Variants in SMARCA5 observed in about 807,000 individuals in gnomAD.
SMARCA5 encodes the protein SWI/SNF-related matrix-associated actin-dependent regulator of chromatin subfamily A member 5.
A neutral mutation model predicts 140.4 loss-of-function variants in SMARCA5; 18 were observed. The ratio of observed to expected loss-of-function variants is 0.13; its 90% CI spans 0.09 to 0.19. The LOEUF (loss-of-function observed/expected upper bound fraction) is 0.19, where lower values mean the gene tolerates loss of function less well. SMARCA5 is among the 10% of genes least tolerant of loss of function. The probability of loss-of-function intolerance (pLI) is 1.00; values close to 1 mark genes in which losing one functional copy is unlikely to be tolerated. For missense variants in SMARCA5, 606 were observed against 1,276.8 expected, an observed-to-expected ratio of 0.47 and a Z score of 8.01; for synonymous variants, 449 against 419.6, an observed-to-expected ratio of 1.07 and a Z score of -0.86.
rs13139128 is a variant in SMARCA5 at position 143,545,951 on chromosome 4, T to C, written c.2424T>C (p.Asn808=). ...TACCTCGAAATCCTGAGCTGCCTAA[T>C]GCAGCACAGGCACAAAAAGAAGAAC... The part of the protein sequence containing the change: ...YKVPRNPELP[N]AAQAQKEEQL... Residue 808 remains asparagine (N), a synonymous_variant, in exon 19 of 24, where the codon AAT becomes AAC. Transcript: ENST00000283131. The C allele has an allele frequency of 1, 1,608,370 of 1,609,866 alleles. 803,448 individuals carry two copies. The highest frequency in any genetic ancestry group is 1 in the East Asian group (44,808 of 44,808).
rs1257369765 is a variant in SMARCA5, at chr4:143,550,114, C to T, written c.3093+10C>T. 3.5e-6 allele frequency: 5 copies of T among 1,413,756 alleles called. No individual in the cohort carries two copies. Among genetic ancestry groups the T allele is most frequent in the Admixed American group, 2.1e-5 (1 of 48,200 alleles). The allele number at this position is 1,413,756 out of a possible 1,614,324, so 87.6% of individuals were successfully genotyped here. ...AGGACCAAAGCCTTCAGTAAGTATT[C>T]ATGAATATGTAAATATGTGGATTAT... On this transcript the variant is annotated intron_variant, in intron 23 of 23. Transcript: ENST00000283131.
chr4:143,538,510 T>G (rs1238980183), intron 11 of SMARCA5, 80 bp from the exon 12 acceptor site: 28 of 1,112,554 alleles, frequency 2.5e-5, no homozygotes, highest in Non-Finnish European at 3.7e-5. Flanking sequence ...TAAGGATAAT[T>G]GATTAGTCTT....
intron 3 of SMARCA5, among the ~76,000 whole-genome samples, chr4:143,523,271 C>T (rs1736999512): frequency 6.6e-6 from 1 of 152,170 alleles, no homozygotes; most frequent in Non-Finnish European, 1.5e-5. Flanking sequence ...AAGTGATCCA[C>T]CCACCTCTGC....
At chr4:143,545,442 G>T in intron 17 of SMARCA5, 28 bp from the exon 18 acceptor site, 1 of 1,426,296 alleles carries the variant, frequency 7.0e-7, no homozygotes. Flanking sequence ...CTTTTTTATG[G>T]ATAACACTTA....
intron 14 of SMARCA5, among the ~76,000 whole-genome samples, chr4:143,542,146 A>G (rs971799378): frequency 6.6e-6 from 1 of 152,210 alleles, no homozygotes; most frequent in Non-Finnish European, 1.5e-5. Context: ...GGTATGAGCC[A>G]CCACGCCTGT....
rs1386930743 is a variant in SMARCA5, at chr4:143,544,742, A to G, written c.2178A>G (p.Ala726=). The change falls in exon 17 of 24, where the codon GCA becomes GCG. Residue 726 remains alanine (A), a synonymous_variant. Transcript: ENST00000283131. ...GEDYREKQKI[A]FTEWIEPPKR... ...AGTTGTTTCCCATGTGCTAGATTGCATTCACAGAGTGGATTGAACCACCTA... is the reference window on the plus strand; with the variant it reads ...AGTTGTTTCCCATGTGCTAGATTGCGTTCACAGAGTGGATTGAACCACCTA... 3.1e-6 allele frequency: 5 copies of G among 1,593,520 alleles called. No individual in the cohort carries two copies. The South Asian group carries it at 4.5e-5, about 14-fold the overall frequency.
At position 143,534,843 on chromosome 4, in the gene SMARCA5, G is replaced by C; in HGVS notation, c.1159-12G>C. 1.3e-6 allele frequency: 2 copies of C among 1,592,688 alleles called. No homozygotes were observed. Among genetic ancestry groups the C allele is most frequent in the Non-Finnish European group, 1.7e-6 (2 of 1,166,388 alleles). On this transcript the variant is annotated splice_polypyrimidine_tract_variant and intron_variant, in intron 9 of 23. Coordinates refer to ENST00000283131, the MANE Select transcript of SMARCA5 (RefSeq NM_003601.4). ...ATATTGGTATTACCTGTTTATTTTTGTCCTTTTTAAGGTTTTGCGTCCATT... is the reference window on the plus strand; with the variant it reads ...ATATTGGTATTACCTGTTTATTTTTCTCCTTTTTAAGGTTTTGCGTCCATT...
intron 22 of SMARCA5, among the ~76,000 whole-genome samples, chr4:143,549,515 T>C (rs1560822685): frequency 6.6e-6 from 1 of 152,134 alleles, no homozygotes; most frequent in Admixed American, 6.6e-5. Flanking sequence ...CTTCCATGGC[T>C]GGTTTTCCAA....
At chr4:143,515,494 G>A (rs888345680) in intron 1 of SMARCA5, among the ~76,000 whole-genome samples, 11 of 152,124 alleles carry the variant, frequency 7.2e-5, no homozygotes, top group Admixed American at 6.5e-4. Context: ...GTGTAAATGT[G>A]CAGTTCTCTA....
At chr4:143,548,678 T>G (rs1737578603) in intron 22 of SMARCA5, among the ~76,000 whole-genome samples, 1 of 152,128 alleles carries the variant, frequency 6.6e-6, no homozygotes, top group South Asian at 2.1e-4. Flanking sequence ...AGTTTAACTT[T>G]GATGGATTGC....
intron 9 of SMARCA5, among the ~76,000 whole-genome samples, chr4:143,532,797 G>A (rs1381886336): frequency 1.3e-5 from 2 of 151,152 alleles, no homozygotes; most frequent in African/African-American, 4.9e-5. Flanking sequence ...TTTATGGGTT[G>A]ACTGGATGGT....
chr4:143,541,439 G>T (rs114206650), intron 14 of SMARCA5, among the ~76,000 whole-genome samples: 1 of 152,162 alleles, frequency 6.6e-6, no homozygotes, highest in Non-Finnish European at 1.5e-5. Flanking sequence ...GCTATTCATA[G>T]TGTTAGCCAT....
Position 143,534,956 on chromosome 4 carries a change from A to G in SMARCA5, c.1260A>G (p.Gln420=), listed in dbSNP as rs1237699521. The G allele has an allele frequency of 6.2e-7, 1 of 1,603,366 alleles. No homozygotes were observed. The highest frequency in any genetic ancestry group is 2.2e-5 in the East Asian group (1 of 44,730). ...VKIYVGLSKM[Q]REWYTRILMK... ...TCTATGTGGGCCTCAGCAAAATGCAAAGGGAATGGTATGTATTCTCAGATG... is the reference window on the plus strand; with the variant it reads ...TCTATGTGGGCCTCAGCAAAATGCAGAGGGAATGGTATGTATTCTCAGATG... Residue 420 remains glutamine, a synonymous_variant, in exon 10 of 24, where the codon CAA becomes CAG. Transcript: ENST00000283131.
intron 9 of SMARCA5, among the ~76,000 whole-genome samples, chr4:143,531,568 CT>C (rs1737183249): frequency 6.6e-6 from 1 of 152,152 alleles, no homozygotes; most frequent in Non-Finnish European, 1.5e-5. Context: ...ATCCCTGATA[CT>C]TTTACTCACT....
intron 2 of SMARCA5, among the ~76,000 whole-genome samples, chr4:143,519,440 T>A (rs1736910086): frequency 6.6e-6 from 1 of 152,140 alleles, no homozygotes; most frequent in Non-Finnish European, 1.5e-5. Flanking sequence ...CTTCCAAGTT[T>A]CTTAACATTT....
At chr4:143,550,169 C>T (rs1231065391) in intron 23 of SMARCA5, 65 bp downstream of exon 23, 4 of 844,624 alleles carry the variant, frequency 4.7e-6, no homozygotes, top group Non-Finnish European at 7.3e-6. Flanking sequence ...GTATTTAACA[C>T]TGCTTGGCTG....
At chr4:143,541,943 C>G (rs1234031158) in intron 14 of SMARCA5, among the ~76,000 whole-genome samples, 1 of 152,032 alleles carries the variant, frequency 6.6e-6, no homozygotes, top group South Asian at 2.1e-4. Flanking sequence ...CTGCAACCTC[C>G]GCTTCCTGGG....
In SMARCA5 at chr4:143,525,463, G is replaced by A; in HGVS notation, c.533G>A (p.Gly178Asp). The change falls in exon 5 of 24, where the codon GGT (glycine) becomes GAT (aspartate). Residue 178 changes from glycine to aspartate, a missense_variant. Gly to Asp is a moderately conservative substitution (Grantham distance 94). This residue lies in a region of SMARCA5 where 110 missense variants were observed against 287.7 expected (regional missense o/e 0.38). Transcript: ENST00000283131. ...CTTTTGTTCTTAGATGTAAAATGGG[G>A]TAAACTGAGAGATTATCAGGTCCGA... is the stretch of plus-strand genomic sequence containing the variant. Reference protein sequence around the residue: ...FEDSPSYVKWGKLRDYQVRGL... With the variant: ...FEDSPSYVKWDKLRDYQVRGL... The A allele has an allele frequency of 1.2e-6, 2 of 1,610,334 alleles. No individual in the cohort carries two copies. The highest frequency in any genetic ancestry group is 1.7e-6 in the Non-Finnish European group (2 of 1,176,628).
chr4:143,532,172 T>C (rs1176450756), intron 9 of SMARCA5, among the ~76,000 whole-genome samples: 1 of 152,206 alleles, frequency 6.6e-6, no homozygotes, highest in African/African-American at 2.4e-5. Flanking sequence ...ATTGAGAGTT[T>C]TGTTAAATAT....
Sources: allele counts gnomAD v4.1 joint callset (sites outside exome capture counted in the v4.1 genomes callset), GRCh38; gene constraint gnomAD v4.1.1; regional missense constraint gnomAD v4.1.1; transcripts MANE v1.5; gene names NCBI Gene and HGNC (gene_info 2026-07-23, HGNC 2026-07-21).